The following MEMO1 variants were observed in gnomAD, a reference collection of about 807,000 sequenced individuals.
MEMO1 encodes the protein mediator of cell motility 1, also known as protein MEMO1.
A neutral mutation model predicts 45.2 loss-of-function variants in MEMO1; 6 were observed. The ratio of observed to expected loss-of-function variants is 0.13; its 90% CI spans 0.07 to 0.26. The LOEUF is 0.26. MEMO1 is among the 10% of genes least tolerant of loss of function. The pLI is 1.00. For synonymous variants in MEMO1, 78 were observed against 124.3 expected, an observed-to-expected ratio of 0.63 and a Z score of 2.48; for missense variants, 184 against 370.5, an observed-to-expected ratio of 0.50 and a Z score of 4.13.
chr2:31,981,339 G>C (rs955230074), intron 2 of MEMO1, among the ~76,000 whole-genome samples: 1 of 152,114 alleles, frequency 6.6e-6, no homozygotes, highest in East Asian at 1.9e-4. Flanking sequence ...CAGCAGTTGG[G>C]ACTTTTATGT....
At chr2:31,876,913 A>G (rs1674652777) in intron 8 of MEMO1, among the ~76,000 whole-genome samples, 1 of 152,106 alleles carries the variant, frequency 6.6e-6, no homozygotes, top group South Asian at 2.1e-4. Context: ...CTAAATTACC[A>G]TAGTTTCTCA....
At chr2:31,904,140 T>G (rs1679301555) in intron 6 of MEMO1, among the ~76,000 whole-genome samples, 1 of 152,190 alleles carries the variant, frequency 6.6e-6, no homozygotes, top group Admixed American at 6.5e-5. Flanking sequence ...GAGCTTTACC[T>G]GAGAGTTAAC....
At position 31,987,342 on chromosome 2, in the gene MEMO1, A is replaced by G. The variant is rs139140571; in HGVS notation, c.61+22845T>C. 4.4e-3 allele frequency among the ~76,000 whole-genome samples: 668 copies of G among 152,310 alleles called. 10 individuals are homozygous for G. The highest frequency in any genetic ancestry group is 0.015 in the African/African-American group (627 of 41,572). ...TCCTAAAACACAACAAACAAGGAGA[A>G]TGACAAAAGACTAGGAAGGATAGGT... is the stretch of plus-strand genomic sequence containing the variant. On this transcript the variant is annotated intron_variant, in intron 2 of 9. Coordinates refer to ENST00000404530, the MANE Select transcript of MEMO1 (RefSeq NM_001301833.4).
At chr2:31,888,562 T>TA (rs985119531) in intron 7 of MEMO1, among the ~76,000 whole-genome samples, 11 of 152,066 alleles carry the variant, frequency 7.2e-5, no homozygotes, top group Non-Finnish European at 1.2e-4. Flanking sequence ...AGCCATCCTA[T>TA]AGGATATAGA....
At chr2:31,983,609 T>C (rs1670920283) in intron 2 of MEMO1, among the ~76,000 whole-genome samples, 1 of 152,118 alleles carries the variant, frequency 6.6e-6, no homozygotes, top group South Asian at 2.1e-4. Context: ...TAATTTTGTA[T>C]TTTTAGTAGA....
At chr2:31,975,032 C>G (rs542771150) in intron 2 of MEMO1, among the ~76,000 whole-genome samples, 2 of 151,596 alleles carry the variant, frequency 1.3e-5, no homozygotes, top group Admixed American at 1.3e-4. Context: ...ATCAGCTGGA[C>G]GTGGTGGCAG....
intron 4 of MEMO1, among the ~76,000 whole-genome samples, chr2:31,928,525 T>C (rs1683458997): frequency 7.3e-6 from 1 of 136,096 alleles, no homozygotes; most frequent in Non-Finnish European, 1.5e-5. Context: ...CCAGCCTGGG[T>C]GACAAAGAGA....
intron 6 of MEMO1, among the ~76,000 whole-genome samples, chr2:31,916,211 T>C (rs769408904): frequency 1.3e-5 from 2 of 152,194 alleles, no homozygotes; most frequent in Non-Finnish European, 2.9e-5. Context: ...TGTCAGTTTA[T>C]TGGTCTTATT....
intron 6 of MEMO1, among the ~76,000 whole-genome samples, chr2:31,913,518 T>A (rs932884968): frequency 1.0e-5 from 1 of 99,760 alleles, no homozygotes; most frequent in East Asian, 2.6e-4. Flanking sequence ...TGATTAAGAG[T>A]TTTTTTTTTT....
rs1361202415 is a variant in MEMO1, at chr2:31,969,629, GTGTGTT to G, written c.62-26252_62-26247del. The stretch of plus-strand genomic sequence containing the variant: ...TGTGTGTGTGTGTGTGTGTGTGTGT[GTGTGTT>G]TAAGACAGGCTCTCTCTGTTGCCCA... On this transcript the variant is annotated intron_variant, in intron 2 of 9. Transcript: ENST00000404530. Among the ~76,000 whole-genome samples, 89 of 131,350 alleles carry G rather than the reference GTGTGTT, an allele frequency of 6.8e-4. 1 individual carries two copies. Among genetic ancestry groups the G allele is most frequent in the African/African-American group, 2.1e-3 (78 of 37,152 alleles). 86.2% of individuals were successfully genotyped at this position (131,350 alleles called of 152,430 possible). A position where few individuals can be genotyped will look rare whatever the true frequency, so the allele number is the denominator to read the frequency against.
intron 2 of MEMO1, among the ~76,000 whole-genome samples, chr2:31,969,593 GTGTGT>G (rs1558542052): frequency 5.5e-4 from 38 of 68,932 alleles, no homozygotes; most frequent in African/African-American, 1.5e-3. Context: ...GTGGGTGTGT[GTGTGT>G]GTGTGTGTGT....
chr2:32,010,713 C>T (rs1248481245), intron 1 of MEMO1, among the ~76,000 whole-genome samples: 1 of 149,998 alleles, frequency 6.7e-6, no homozygotes, highest in Non-Finnish European at 1.5e-5. Context: ...CACCCACCCC[C>T]ACCCCCGGCA....
intron 2 of MEMO1, among the ~76,000 whole-genome samples, chr2:31,980,462 T>A (rs900984371): frequency 6.6e-6 from 1 of 152,142 alleles, no homozygotes. Context: ...TTTTTAGATT[T>A]TTTTTATTTT....
intron 2 of MEMO1, among the ~76,000 whole-genome samples, chr2:31,983,504 G>A (rs1167149861): frequency 6.6e-6 from 1 of 151,970 alleles, no homozygotes; most frequent in Non-Finnish European, 1.5e-5. Flanking sequence ...GCACAATCTC[G>A]GCTCACTGCG....
chr2:31,989,084 G>C (rs183434365), intron 2 of MEMO1, among the ~76,000 whole-genome samples: 1 of 151,898 alleles, frequency 6.6e-6, no homozygotes, highest in East Asian at 1.9e-4. Context: ...TATGTGCCTG[G>C]AATCCCAGCT....
intron 3 of MEMO1, among the ~76,000 whole-genome samples, chr2:31,938,141 T>G (rs1665146105): frequency 6.6e-6 from 1 of 152,176 alleles, no homozygotes; most frequent in Admixed American, 6.5e-5. Flanking sequence ...AGATTAGAAT[T>G]CATTAAGATA....
intron 6 of MEMO1, among the ~76,000 whole-genome samples, chr2:31,905,180 G>A (rs1679481366): frequency 6.6e-6 from 1 of 152,122 alleles, no homozygotes; most frequent in Non-Finnish European, 1.5e-5. Context: ...GCTGTGGTGA[G>A]CTGTAAGCAT....
chr2:31,953,144 G>A (rs958834697), intron 2 of MEMO1, among the ~76,000 whole-genome samples: 7 of 151,978 alleles, frequency 4.6e-5, no homozygotes, highest in African/African-American at 9.7e-5. Flanking sequence ...CAAAGTGGGC[G>A]GATCATGAGG....
intron 6 of MEMO1, among the ~76,000 whole-genome samples, chr2:31,901,060 G>A (rs914537028): frequency 6.6e-6 from 1 of 152,050 alleles, no homozygotes; most frequent in Admixed American, 6.6e-5. Flanking sequence ...TTCATATAAT[G>A]GAATAATTAT....
Sources: allele counts gnomAD v4.1 joint callset (sites outside exome capture counted in the v4.1 genomes callset), GRCh38; gene constraint gnomAD v4.1.1; transcripts MANE v1.5; gene names NCBI Gene and HGNC (gene_info 2026-07-23, HGNC 2026-07-21).